CGNL1: variants seen among roughly 807,000 people sequenced by gnomAD.
The protein encoded by CGNL1 is cingulin-like protein 1.
Under a neutral mutation model 141.2 loss-of-function variants are expected in CGNL1, and 132 were observed. That is an observed-to-expected ratio of 0.93 (90% CI 0.81 to 1.08). CGNL1 has a LOEUF of 1.08. Among genes scored for constraint, CGNL1 ranks in the 50% least tolerant of loss-of-function variants. The pLI is 0.00. For synonymous variants in CGNL1, 690 were observed against 622.1 expected (o/e 1.11, Z -1.63); for missense variants, 1,870 against 1,588.6 (o/e 1.18, Z -3.01).
intron 4 of CGNL1, among the ~76,000 whole-genome samples, chr15:57,442,811 G>T (rs1161138475): frequency 6.6e-6 from 1 of 152,194 alleles, no homozygotes; most frequent in East Asian, 1.9e-4. Context: ...TAGGGTGAGG[G>T]TTTCACCATG....
chr15:57,404,748 G>T (rs2062696316), intron 1 of CGNL1, among the ~76,000 whole-genome samples: 1 of 152,154 alleles, frequency 6.6e-6, no homozygotes, highest in African/African-American at 2.4e-5. Flanking sequence ...AGGAACTCAA[G>T]AGGGGCGCCT....
At chr15:57,416,899 G>T (rs963344684) in intron 1 of CGNL1, among the ~76,000 whole-genome samples, 3 of 152,126 alleles carry the variant, frequency 2.0e-5, no homozygotes, top group Non-Finnish European at 4.4e-5. Flanking sequence ...ATCTATTCCA[G>T]AGTTCAGCTA....
At chr15:57,415,351 C>G (rs566524529) in intron 1 of CGNL1, among the ~76,000 whole-genome samples, 86 of 152,176 alleles carry the variant, frequency 5.7e-4, no homozygotes, top group African/African-American at 2.0e-3. Context: ...ATATGGGAGA[C>G]AGGGAGGCAG....
At chr15:57,517,312 G>C (rs1368260468) in intron 9 of CGNL1, among the ~76,000 whole-genome samples, 1 of 152,158 alleles carries the variant, frequency 6.6e-6, no homozygotes, top group Non-Finnish European at 1.5e-5. Context: ...ACCACCATTA[G>C]ACCGATTCTC....
chr15:57,417,316 C>T (rs1383140227), intron 1 of CGNL1, among the ~76,000 whole-genome samples: 1 of 152,182 alleles, frequency 6.6e-6, no homozygotes, highest in Non-Finnish European at 1.5e-5. Flanking sequence ...TCACTGCAGC[C>T]TCCATCTCCT....
rs78375282 is a variant in CGNL1 at position 57,481,264 on chromosome 15, T to C, written c.2403+19372T>C. Among the ~76,000 whole-genome samples the C allele has an allele frequency of 1.8e-3, 274 of 152,272 alleles. 1 individual carries two copies. The highest frequency in any genetic ancestry group is 6.3e-3 in the African/African-American group (261 of 41,562). On this transcript the variant is annotated intron_variant, in intron 8 of 18. Coordinates refer to ENST00000281282, the MANE Select transcript of CGNL1 (RefSeq NM_032866.5). Reference sequence around the variant, plus strand: ...CAATAGCATGACCAGGATACTGACATTGATACAGCTGAGATATAGAACATT... The same window carrying C: ...CAATAGCATGACCAGGATACTGACACTGATACAGCTGAGATATAGAACATT...
At position 57,546,312 on chromosome 15, in the gene CGNL1, T is replaced by G; in HGVS notation, c.3773+73T>G. 2.7e-6 allele frequency: 4 copies of G among 1,456,390 alleles called. No individual in the cohort carries two copies. The South Asian group carries it at 5.6e-5, about 21-fold the overall frequency. The allele number at this position is 1,456,390 out of a possible 1,614,324, so 90.2% of individuals were successfully genotyped here. A position where few individuals can be genotyped will look rare whatever the true frequency, so the allele number is the denominator to read the frequency against. On this transcript the variant is annotated intron_variant, in intron 18 of 18. Coordinates refer to ENST00000281282, the MANE Select transcript of CGNL1 (RefSeq NM_032866.5). ...TGAGACAGGCTCTGCTTTCAGAGCA[T>G]TCACACTCCTGTTGTCTCAAGCCAG... is the stretch of plus-strand genomic sequence containing the variant.
At chr15:57,392,388 C>G (rs1158038420) in intron 1 of CGNL1, among the ~76,000 whole-genome samples, 2 of 152,058 alleles carry the variant, frequency 1.3e-5, no homozygotes, top group African/African-American at 4.8e-5. Context: ...CATTTTAAAT[C>G]TCTTTTGGTA....
At chr15:57,414,199 G>A (rs1256783240) in intron 1 of CGNL1, among the ~76,000 whole-genome samples, 3 of 152,124 alleles carry the variant, frequency 2.0e-5, no homozygotes, top group Non-Finnish European at 4.4e-5. Context: ...TTGCTAAGGG[G>A]GCTGCTGGGC....
intron 1 of CGNL1, among the ~76,000 whole-genome samples, chr15:57,379,230 A>G (rs1304060769): frequency 6.6e-6 from 1 of 152,190 alleles, no homozygotes; most frequent in Non-Finnish European, 1.5e-5. Flanking sequence ...CTGTGAATAT[A>G]ATAATACACT....
intron 14 of CGNL1, among the ~76,000 whole-genome samples, chr15:57,540,330 G>T (rs1430389292): frequency 1.3e-5 from 2 of 152,188 alleles, no homozygotes; most frequent in East Asian, 3.8e-4. Flanking sequence ...ATGGCTGAAG[G>T]TGAATGAGAA....
At chr15:57,432,913 A>G (rs2063061761) in intron 1 of CGNL1, among the ~76,000 whole-genome samples, 1 of 152,168 alleles carries the variant, frequency 6.6e-6, no homozygotes, top group Admixed American at 6.5e-5. Flanking sequence ...AGGTGGCTTT[A>G]TTCAAAGATT....
intron 14 of CGNL1, among the ~76,000 whole-genome samples, chr15:57,541,771 C>T (rs1219433613): frequency 6.6e-6 from 1 of 152,204 alleles, no homozygotes; most frequent in African/African-American, 2.4e-5. Flanking sequence ...TAGCCCTGCT[C>T]CTGAGGTTAC....
chr15:57,440,998 A>G (rs2063179487), intron 3 of CGNL1, among the ~76,000 whole-genome samples: 1 of 150,962 alleles, frequency 6.6e-6, no homozygotes, highest in Non-Finnish European at 1.5e-5. Context: ...TTAGATACTA[A>G]CTGTGCTGGA....
At chr15:57,447,081 C>G (rs1314193353) in intron 4 of CGNL1, among the ~76,000 whole-genome samples, 1 of 152,004 alleles carries the variant, frequency 6.6e-6, no homozygotes, top group African/African-American at 2.4e-5. Context: ...TGGGATTATA[C>G]CAAATGCATA....
intron 1 of CGNL1, among the ~76,000 whole-genome samples, chr15:57,400,658 G>A (rs574142391): frequency 4.6e-5 from 7 of 152,128 alleles, no homozygotes; most frequent in South Asian, 4.2e-4. Flanking sequence ...CAAGGCGGGC[G>A]GATCATCTGA....
intron 1 of CGNL1, among the ~76,000 whole-genome samples, chr15:57,416,051 G>C (rs1482513887): frequency 6.6e-6 from 1 of 152,042 alleles, no homozygotes; most frequent in Non-Finnish European, 1.5e-5. Context: ...TCAGAGGTTG[G>C]GTTGAAAAAA....
intron 14 of CGNL1, among the ~76,000 whole-genome samples, chr15:57,532,001 C>G (rs1431943962): frequency 6.6e-6 from 1 of 152,086 alleles, no homozygotes; most frequent in Non-Finnish European, 1.5e-5. Context: ...CAGATTATTT[C>G]CTGATCTATA....
chr15:57,457,527 T>C (rs1412013617), intron 7 of CGNL1, among the ~76,000 whole-genome samples: 3 of 152,216 alleles, frequency 2.0e-5, no homozygotes, highest in African/African-American at 7.2e-5. Context: ...GTTTTCATGC[T>C]GCTGATAAAG....
Sources: gnomAD v4.1 joint callset for allele counts (sites outside exome capture counted in the v4.1 genomes callset) on GRCh38, gnomAD v4.1.1 for gene constraint, MANE v1.5 for transcripts, NCBI Gene and HGNC (gene_info 2026-07-23, HGNC 2026-07-21) for gene names.